ADGRG5: variants seen among roughly 807,000 people sequenced by gnomAD.
ADGRG5 encodes the protein adhesion G protein-coupled receptor G5.
Under a neutral mutation model 53.2 loss-of-function variants are expected in ADGRG5, and 37 were observed. The ratio of observed to expected loss-of-function variants is 0.70; its 90% CI spans 0.53 to 0.91. The LOEUF is 0.91. Among genes scored for constraint, ADGRG5 ranks in the 40% least tolerant of loss-of-function variants. The pLI is 0.00. For missense variants in ADGRG5, 614 were observed against 675.8 expected, an observed-to-expected ratio of 0.91 and a Z score of 1.01; for synonymous variants, 277 against 290.4, an observed-to-expected ratio of 0.95 and a Z score of 0.47.
At chr16:57,546,018 G>T (rs546174980) in intron 1 of ADGRG5, among the ~76,000 whole-genome samples, 1 of 152,270 alleles carries the variant, frequency 6.6e-6, no homozygotes, top group South Asian at 2.1e-4. Flanking sequence ...TAGAGACAGA[G>T]TTTCACCTTG....
At chr16:57,547,411 G>A (rs922871952) in intron 1 of ADGRG5, among the ~76,000 whole-genome samples, 1 of 152,122 alleles carries the variant, frequency 6.6e-6, no homozygotes, top group South Asian at 2.1e-4. Flanking sequence ...GATATGCTGT[G>A]CTCTTCTTTT....
intron 1 of ADGRG5, among the ~76,000 whole-genome samples, chr16:57,544,813 A>G (rs7205759): frequency 0.53 from 80,937 of 151,912 alleles, 23,216 homozygotes; most frequent in African/African-American, 0.74. Flanking sequence ...TTTGGAGACA[A>G]AGTCTCACTC....
Position 57,575,539 on chromosome 16 carries a change from T to C in ADGRG5, c.*1T>C. ...CAGCTCCTCCCAAACAACACAGTAG[T>C]CCGGGCCTCCTGGCCTGGAATCCTC... On this transcript the variant is annotated 3_prime_UTR_variant, in exon 12 of 12. Transcript: ENST00000349457. 1 of 1,612,108 alleles carries C rather than the reference T, an allele frequency of 6.2e-7. No individual in the cohort carries two copies. The highest frequency in any genetic ancestry group is 8.5e-7 in the Non-Finnish European group (1 of 1,178,224).
intron 5 of ADGRG5, among the ~76,000 whole-genome samples, chr16:57,564,581 C>T (rs2033084482): frequency 6.6e-6 from 1 of 152,148 alleles, no homozygotes; most frequent in Admixed American, 6.5e-5. Flanking sequence ...GGATTATAGG[C>T]GTGAGCCACT....
the ADGRG5 span, among the ~76,000 whole-genome samples, chr16:57,532,446 T>G: frequency 2.6e-5 from 4 of 152,150 alleles, no homozygotes; most frequent in African/African-American, 9.7e-5. Flanking sequence ...TGCAGTGAGC[T>G]GGCTGGCCTT....
intron 10 of ADGRG5, among the ~76,000 whole-genome samples, chr16:57,571,483 A>C (rs1478677342): frequency 1.3e-5 from 2 of 151,988 alleles, no homozygotes; most frequent in African/African-American, 4.8e-5. Context: ...TCCCTCTCAC[A>C]TTGAGGCTCG....
At chr16:57,567,134 G>A (rs1369846510) in intron 7 of ADGRG5, among the ~76,000 whole-genome samples, 1 of 152,178 alleles carries the variant, frequency 6.6e-6, no homozygotes, top group Non-Finnish European at 1.5e-5. Flanking sequence ...TGCCAGCCAT[G>A]TGCTCATCCC....
chr16:57,566,167 A>G (rs9922499), intron 6 of ADGRG5: 53,347 of 157,062 alleles, frequency 0.34, 9,730 homozygotes, highest in East Asian at 0.71. Context: ...GTGGCTTGGC[A>G]TTAGGGTTGT....
chr16:57,567,554 G>A lies in ADGRG5; in HGVS notation c.784G>A (p.Ala262Thr). 6.2e-7 allele frequency: 1 copy of A among 1,611,748 alleles called. No individual in the cohort carries two copies. The highest frequency in any genetic ancestry group is 1.1e-5 in the South Asian group (1 of 91,070). Residue 262 changes from alanine to threonine, a missense_variant, in exon 8 of 12, where the codon GCC becomes ACC. Ala to Thr is a moderately conservative substitution (Grantham distance 58, BLOSUM62 0). Coordinates refer to ENST00000349457, the MANE Select transcript of ADGRG5 (RefSeq NM_001304376.3). ...CGTGGGCTGCAGCATCTCCATCGTGGCCTCGCTGATCACAGTCCTGCTGCA... is the reference window on the plus strand; with the variant it reads ...CGTGGGCTGCAGCATCTCCATCGTGACCTCGCTGATCACAGTCCTGCTGCA... ...SLVGCSISIV[A>T]SLITVLLHFH...
chr16:57,564,653 C>G (rs2033086134), intron 5 of ADGRG5, among the ~76,000 whole-genome samples: 1 of 152,066 alleles, frequency 6.6e-6, no homozygotes, highest in South Asian at 2.1e-4. Context: ...CATAGAGATC[C>G]AGAGTGATGG....
chr16:57,532,029 A>T, the ADGRG5 span, among the ~76,000 whole-genome samples: 1 of 152,124 alleles, frequency 6.6e-6, no homozygotes, highest in African/African-American at 2.4e-5. Context: ...ACCATGCATG[A>T]GGTCTAGGCC....
chr16:57,554,533 T>C lies in ADGRG5; in HGVS notation c.-38-7523T>C, dbSNP rs373673320. Among the ~76,000 whole-genome samples the C allele has an allele frequency of 9.5e-4, 145 of 152,178 alleles. 2 individuals carry two copies. In the South Asian group the frequency reaches 0.011, roughly 11 times the overall value. On this transcript the variant is annotated intron_variant, in intron 1 of 11. Coordinates refer to ENST00000349457, the MANE Select transcript of ADGRG5 (RefSeq NM_001304376.3). Reference sequence around the variant, plus strand: ...CTGGGACTACAGGCACCTGCCACCATGCCCGGCTAACTTTTTGTATTTTTA... The same window carrying C: ...CTGGGACTACAGGCACCTGCCACCACGCCCGGCTAACTTTTTGTATTTTTA...
chr16:57,543,009 TCA>T (rs2032524150), intron 1 of ADGRG5: 1 of 152,300 alleles, frequency 6.6e-6, no homozygotes, highest in Non-Finnish European at 1.5e-5. Flanking sequence ...TTTCTGGACC[TCA>T]GTTTCTCATC....
At chr16:57,554,535 C>T (rs2032832249) in intron 1 of ADGRG5, among the ~76,000 whole-genome samples, 1 of 152,096 alleles carries the variant, frequency 6.6e-6, no homozygotes, top group South Asian at 2.1e-4. Flanking sequence ...TGCCACCATG[C>T]CCGGCTAACT....
In ADGRG5 at chr16:57,574,955, T is replaced by C. The variant is rs761657632; in HGVS notation, c.1349T>C (p.Val450Ala). The C allele has an allele frequency of 2.5e-6, 4 of 1,613,596 alleles. No homozygotes were observed. The highest frequency in any genetic ancestry group is 1.7e-5 in the Admixed American group (1 of 59,992). The change falls in exon 11 of 12, where the codon GTC becomes GCC. Residue 450 changes from valine (V) to alanine (A), a missense_variant. Coordinates refer to ENST00000349457, the MANE Select transcript of ADGRG5 (RefSeq NM_001304376.3). The surrounding 1 kb of genome is among the most constrained non-coding windows in gnomAD (Gnocchi z 4.4). ...CGGGAGCGGGCGGATGCACCAAGTG[T>C]CAGGGCCTGCCATGACACTGTCACT... ...RLRERADAPS[V>A]RACHDTVTVL... is the part of the protein sequence containing the mutation.
chr16:57,529,340 A>G, the ADGRG5 span: 3 of 988,016 alleles, frequency 3.0e-6, no homozygotes, highest in African/African-American at 1.7e-5. This position sits in a 1 kb window ranked among gnomAD's most constrained non-coding sequence, Gnocchi z 4.1. Context: ...GGAGAACACA[A>G]CCGTTATTGG....
At chr16:57,544,703 A>G (rs764869733) in intron 1 of ADGRG5, among the ~76,000 whole-genome samples, 35 of 152,140 alleles carry the variant, frequency 2.3e-4, no homozygotes, top group Admixed American at 4.6e-4. Context: ...GTCCTCCACT[A>G]CTGGGCCTGA....
chr16:57,535,653 G>A, the ADGRG5 span, among the ~76,000 whole-genome samples: 1 of 121,884 alleles, frequency 8.2e-6, no homozygotes, highest in Non-Finnish European at 1.6e-5. Flanking sequence ...CACCCCTCTC[G>A]GCAACACCGT....
Position 57,574,142 on chromosome 16 carries a change from A to G in ADGRG5, c.1209-673A>G, listed in dbSNP as rs1284268874. Reference sequence around the variant, plus strand: ...CATCTGTCTTGAAGGTGTCTTGGGGAGGCAAAGGGCAGAGGCCTCCGGGAG... The same window carrying G: ...CATCTGTCTTGAAGGTGTCTTGGGGGGGCAAAGGGCAGAGGCCTCCGGGAG... On this transcript the variant is annotated intron_variant, in intron 10 of 11. Coordinates refer to ENST00000349457, the MANE Select transcript of ADGRG5 (RefSeq NM_001304376.3). The surrounding 1 kb of genome is among the most constrained non-coding windows in gnomAD (Gnocchi z 4.4). Among the ~76,000 whole-genome samples the G allele has an allele frequency of 1.9e-4, 29 of 152,220 alleles. No individual in the cohort carries two copies. The highest frequency in any genetic ancestry group is 6.7e-4 in the African/African-American group (28 of 41,530).
Sources: gnomAD v4.1 joint callset for allele counts (sites outside exome capture counted in the v4.1 genomes callset) on GRCh38, gnomAD v4.1.1 for gene constraint, Gnocchi (gnomAD v3.1) non-coding constraint, MANE v1.5 for transcripts, NCBI Gene and HGNC (gene_info 2026-07-23, HGNC 2026-07-21) for gene names.